The following ARMC8 variants were observed in gnomAD, a reference collection of about 807,000 sequenced individuals.
ARMC8 encodes the protein armadillo repeat containing 8, also known as armadillo repeat-containing protein 8.
ARMC8 carries 20 observed loss-of-function variants against 99.3 expected under a neutral mutation model. The ratio of observed to expected loss-of-function variants is 0.20; its 90% CI spans 0.14 to 0.29. ARMC8 has a LOEUF of 0.29. ARMC8 is among the 10% of genes least tolerant of loss of function. ARMC8 has a pLI of 1.00. For missense variants in ARMC8, 569 were observed against 809.5 expected (o/e 0.70, Z 3.60); for synonymous variants, 263 against 278.3 (o/e 0.95, Z 0.55).
intron 1 of ARMC8, among the ~76,000 whole-genome samples, chr3:138,194,337 C>G (rs1270928778): frequency 1.4e-5 from 2 of 148,048 alleles, no homozygotes; most frequent in East Asian, 2.1e-4. Context: ...GCCACTGCGC[C>G]CAGCTTTTTT....
chr3:138,255,537 A>G (rs2047356989), intron 12 of ARMC8, among the ~76,000 whole-genome samples: 1 of 152,026 alleles, frequency 6.6e-6, no homozygotes, highest in South Asian at 2.1e-4. Context: ...ATGGAGTTAG[A>G]AGAATTTGGT....
chr3:138,228,566 T>G (rs2045814397), intron 5 of ARMC8: 1 of 379,138 alleles, frequency 2.6e-6, no homozygotes. Context: ...ATAAACTATT[T>G]ACTAGTGCAT....
chr3:138,236,186 C>G (rs1035823012), intron 7 of ARMC8, among the ~76,000 whole-genome samples: 1 of 152,098 alleles, frequency 6.6e-6, no homozygotes, highest in African/African-American at 2.4e-5. Context: ...CTAGTTTAGT[C>G]TTGGTAAAGA....
At chr3:138,277,629 T>G (rs1447854518) in intron 18 of ARMC8, among the ~76,000 whole-genome samples, 2 of 152,164 alleles carry the variant, frequency 1.3e-5, no homozygotes, top group African/African-American at 4.8e-5. Flanking sequence ...TCTTTTAGAA[T>G]AGCTAAAAAT....
intron 6 of ARMC8, among the ~76,000 whole-genome samples, 186 bp from the exon 7 acceptor site, chr3:138,234,848 A>G (rs1177456493): frequency 6.6e-6 from 1 of 152,190 alleles, no homozygotes; most frequent in East Asian, 1.9e-4. Context: ...GAGTTAAGAT[A>G]TGGTAGCCCT....
At chr3:138,250,668 T>C (rs1308470912) in intron 12 of ARMC8, among the ~76,000 whole-genome samples, 3 of 152,222 alleles carry the variant, frequency 2.0e-5, no homozygotes, top group Non-Finnish European at 2.9e-5. Context: ...GATGACCTAA[T>C]TGTTACTGCT....
intron 6 of ARMC8, among the ~76,000 whole-genome samples, chr3:138,231,961 C>CCT (rs2046061109): frequency 3.4e-5 from 2 of 58,630 alleles, no homozygotes; most frequent in Non-Finnish European, 2.7e-5. Context: ...CTTGCAATTG[C>CCT]TTTTTTTTTT....
intron 11 of ARMC8, among the ~76,000 whole-genome samples, chr3:138,243,420 T>G (rs912302528): frequency 6.6e-6 from 1 of 151,906 alleles, no homozygotes; most frequent in African/African-American, 2.4e-5. Flanking sequence ...AATCTTCACA[T>G]GTTAATAAAT....
rs559380033 is a variant in ARMC8, at chr3:138,214,129, G to A, written c.122+4236G>A. 4.0e-5 allele frequency among the ~76,000 whole-genome samples: 6 copies of A among 151,140 alleles called. No homozygotes were observed. In the South Asian group the frequency reaches 1.0e-3, roughly 26 times the overall value. On this transcript the variant is annotated intron_variant, in intron 2 of 21. Transcript: ENST00000469044. ...ATTATGCCACTGCACTCCAGCCTGC[G>A]TCACAGAGTTGTTTTTGTTTTGTTT...
At chr3:138,288,324 C>T (rs191635435) in intron 19 of ARMC8, among the ~76,000 whole-genome samples, 1 of 152,310 alleles carries the variant, frequency 6.6e-6, no homozygotes, top group Admixed American at 6.5e-5. Context: ...CACATCCACC[C>T]AGTGTATGTT....
In ARMC8 at chr3:138,187,824, G is replaced by C. The variant is rs1007232979; in HGVS notation, c.45+225G>C. On this transcript the variant is annotated intron_variant, in intron 1 of 21. Transcript: ENST00000469044. The stretch of plus-strand genomic sequence containing the variant: ...AACTCCGGGAGCTCCCGCCGGTGCG[G>C]GTTCCCAGGATGGCGTCTGGCAGGC... 4 of 566,506 alleles carry C rather than the reference G, an allele frequency of 7.1e-6. No individual in the cohort carries two copies. In the African/African-American group the frequency reaches 7.7e-5, roughly 11 times the overall value. 35.1% of individuals were successfully genotyped at this position (566,506 alleles called of 1,614,324 possible).
Position 138,262,457 on chromosome 3 carries a change from TTCTTC to T in ARMC8, c.1135-1275_1135-1271del. On this transcript the variant is annotated intron_variant, in intron 12 of 21. Transcript: ENST00000469044. ...GATCATTGTTAATTTCAACAATATT[TTCTTC>T]TCTTCTTGTTTGGCTGAAACATCCT... is the stretch of plus-strand genomic sequence containing the variant. The T allele has an allele frequency of 9.5e-6, 14 of 1,473,502 alleles. No homozygotes were observed. The South Asian group carries it at 9.8e-5, about 10-fold the overall frequency. The allele number at this position is 1,473,502 out of a possible 1,614,324, so 91.3% of individuals were successfully genotyped here. A position where few individuals can be genotyped will look rare whatever the true frequency, so the allele number is the denominator to read the frequency against.
chr3:138,249,674 C>CAGTT (rs1251482671), intron 12 of ARMC8, among the ~76,000 whole-genome samples: 1 of 152,078 alleles, frequency 6.6e-6, no homozygotes, highest in Non-Finnish European at 1.5e-5. Context: ...TTTTTAAGAT[C>CAGTT]AGTTACTCAA....
intron 1 of ARMC8, among the ~76,000 whole-genome samples, chr3:138,198,523 A>T (rs537228943): frequency 3.3e-4 from 41 of 124,262 alleles, no homozygotes; most frequent in Middle Eastern, 3.8e-3. Flanking sequence ...TATTATTATT[A>T]TTTTTTGAGA....
chr3:138,201,078 A>C (rs1451409606), intron 1 of ARMC8, among the ~76,000 whole-genome samples: 3 of 151,508 alleles, frequency 2.0e-5, no homozygotes, highest in African/African-American at 7.3e-5. Flanking sequence ...ATGCCCGACT[A>C]ATTTTGTATT....
intron 21 of ARMC8, among the ~76,000 whole-genome samples, chr3:138,291,983 A>T (rs1214950353): frequency 6.6e-6 from 1 of 152,102 alleles, no homozygotes; most frequent in Non-Finnish European, 1.5e-5. Flanking sequence ...TGTTAAGGAG[A>T]GGAGACATTA....
intron 21 of ARMC8, among the ~76,000 whole-genome samples, chr3:138,291,118 A>G (rs1289520695): frequency 6.6e-6 from 1 of 152,234 alleles, no homozygotes; most frequent in African/African-American, 2.4e-5. Flanking sequence ...TCAGATACTC[A>G]GCTAACCTCA....
At chr3:138,276,397 A>G (rs2049296602) in intron 18 of ARMC8, among the ~76,000 whole-genome samples, 1 of 152,246 alleles carries the variant, frequency 6.6e-6, no homozygotes. Flanking sequence ...CTGCCCTTAA[A>G]TTGGGAACAA....
intron 1 of ARMC8, among the ~76,000 whole-genome samples, chr3:138,201,919 G>T (rs1490880635): frequency 6.6e-6 from 1 of 151,994 alleles, no homozygotes; most frequent in African/African-American, 2.4e-5. Context: ...ACTTTAATAT[G>T]GTTACACTTG....
Sources: allele counts gnomAD v4.1 joint callset (sites outside exome capture counted in the v4.1 genomes callset), GRCh38; gene constraint gnomAD v4.1.1; transcripts MANE v1.5; gene names NCBI Gene and HGNC (gene_info 2026-07-23, HGNC 2026-07-21).